CLVS1: variants seen among roughly 807,000 people sequenced by gnomAD.
The protein encoded by CLVS1 is clavesin-1.
CLVS1 carries 10 observed loss-of-function variants against 33.1 expected under a neutral mutation model. The ratio of observed to expected loss-of-function variants is 0.30; its 90% confidence interval spans 0.19 to 0.51. The LOEUF is 0.51. CLVS1 is among the 20% of genes least tolerant of loss of function. The pLI, the probability that CLVS1 is intolerant of heterozygous loss-of-function variation, is 0.97. For synonymous variants in CLVS1, 163 were observed against 166.1 expected (o/e 0.98, Z 0.14); for missense variants, 343 against 433.4 (o/e 0.79, Z 1.85).
intron 2 of CLVS1, among the ~76,000 whole-genome samples, chr8:61,324,489 A>C (rs918734864): frequency 6.6e-6 from 1 of 152,144 alleles, no homozygotes; most frequent in Non-Finnish European, 1.5e-5. Context: ...TATCAGCAGC[A>C]TGAAAATGAA....
At chr8:61,237,535 A>G (rs1196367807) in intron 2 of CLVS1, among the ~76,000 whole-genome samples, 1 of 152,230 alleles carries the variant, frequency 6.6e-6, no homozygotes, top group Non-Finnish European at 1.5e-5. Context: ...GGGACCTCAG[A>G]GGTTGTTTCT....
intron 2 of CLVS1, among the ~76,000 whole-genome samples, chr8:61,252,112 T>A (rs1169207656): frequency 6.6e-6 from 1 of 152,210 alleles, no homozygotes; most frequent in Non-Finnish European, 1.5e-5. Context: ...TTCTGGTACA[T>A]TGTGTCTTCA....
At chr8:61,356,728 T>A (rs540277439) in intron 2 of CLVS1, among the ~76,000 whole-genome samples, 50 of 152,334 alleles carry the variant, frequency 3.3e-4, no homozygotes, top group African/African-American at 1.2e-3. Flanking sequence ...TAGTTGTAGA[T>A]GTGCGGCATT....
intron 1 of CLVS1, among the ~76,000 whole-genome samples, chr8:61,102,739 C>A (rs1190244210): frequency 6.6e-6 from 1 of 151,440 alleles, no homozygotes; most frequent in South Asian, 2.1e-4. Flanking sequence ...TACTGCCAGG[C>A]CATAAGGGGC....
intron 1 of CLVS1, among the ~76,000 whole-genome samples, chr8:61,063,260 C>CGAGA (rs555022524): frequency 0.052 from 4,247 of 81,788 alleles, 274 homozygotes; most frequent in East Asian, 0.086. Flanking sequence ...AGTGAGGAAG[C>CGAGA]GAGAGAGAGA....
chr8:61,320,803 T>C (rs1195961118), intron 2 of CLVS1, among the ~76,000 whole-genome samples: 3 of 152,260 alleles, frequency 2.0e-5, no homozygotes, highest in African/African-American at 7.2e-5. Flanking sequence ...TTCCATCACC[T>C]TGGGGGTTAG....
intron 5 of CLVS1, among the ~76,000 whole-genome samples, chr8:61,487,714 T>C (rs73259365): frequency 0.018 from 2,799 of 152,324 alleles, 80 homozygotes; most frequent in African/African-American, 0.063. Flanking sequence ...GATACAGATA[T>C]ACAAGAAGAA....
chr8:61,499,375 A>T, intron 5 of CLVS1, 80 bp from the exon 6 acceptor site: 1 of 969,740 alleles, frequency 1.0e-6, no homozygotes, highest in Non-Finnish European at 1.7e-6. Context: ...AGAAATATAA[A>T]ATCCGGATGT....
chr8:61,236,612 C>G (rs1049856446), intron 2 of CLVS1, among the ~76,000 whole-genome samples: 1 of 152,116 alleles, frequency 6.6e-6, no homozygotes, highest in East Asian at 1.9e-4. Context: ...CAGCCTTTTT[C>G]TTTTTGTGAA....
At chr8:61,372,278 A>G (rs1813473745) in intron 2 of CLVS1, among the ~76,000 whole-genome samples, 1 of 152,142 alleles carries the variant, frequency 6.6e-6, no homozygotes, top group African/African-American at 2.4e-5. Context: ...TTCTCTTCTC[A>G]TTTCTGCAAT....
chr8:61,217,652 G>A (rs1198616854), intron 2 of CLVS1, among the ~76,000 whole-genome samples: 1 of 152,092 alleles, frequency 6.6e-6, no homozygotes, highest in East Asian at 1.9e-4. Flanking sequence ...AGTAGTCAAA[G>A]TAGTTGATTA....
intron 2 of CLVS1, among the ~76,000 whole-genome samples, chr8:61,181,849 G>A (rs934473419): frequency 2.6e-5 from 4 of 151,890 alleles, no homozygotes; most frequent in African/African-American, 7.3e-5. Flanking sequence ...ACAGGTGCCC[G>A]CCACTGTGCC....
chr8:61,038,254 C>T, the CLVS1 span, among the ~76,000 whole-genome samples: 4 of 152,118 alleles, frequency 2.6e-5, no homozygotes, highest in East Asian at 1.9e-4. Context: ...CTTCTGCTTC[C>T]GTGGCTCCCA....
intron 2 of CLVS1, among the ~76,000 whole-genome samples, chr8:61,189,374 C>T (rs908624498): frequency 1.3e-5 from 2 of 152,112 alleles, no homozygotes; most frequent in Non-Finnish European, 2.9e-5. Flanking sequence ...CTGAAGGAAG[C>T]ACTAAACATG....
At chr8:61,243,800 G>A (rs191956564) in intron 2 of CLVS1, among the ~76,000 whole-genome samples, 1 of 152,212 alleles carries the variant, frequency 6.6e-6, no homozygotes, top group Admixed American at 6.5e-5. Context: ...TATGTCTACT[G>A]TATGGTTTAT....
intron 3 of CLVS1, among the ~76,000 whole-genome samples, chr8:61,388,893 C>T (rs1814190067): frequency 6.6e-6 from 1 of 151,984 alleles, no homozygotes; most frequent in African/African-American, 2.4e-5. Context: ...AAATTTTGTA[C>T]CCTTGAACAA....
At chr8:61,030,037 T>C in the CLVS1 span, among the ~76,000 whole-genome samples, 3 of 152,172 alleles carry the variant, frequency 2.0e-5, no homozygotes, top group Non-Finnish European at 4.4e-5. Flanking sequence ...TCCGTGAAGC[T>C]CTGGCCCAGC....
chr8:61,331,352 A>C (rs561746570), intron 2 of CLVS1, among the ~76,000 whole-genome samples: 1 of 151,924 alleles, frequency 6.6e-6, no homozygotes, highest in South Asian at 2.1e-4. Context: ...TTATTTACTC[A>C]GTTGAGCACT....
intron 3 of CLVS1, among the ~76,000 whole-genome samples, chr8:61,394,242 G>T (rs1814427820): frequency 6.6e-6 from 1 of 152,198 alleles, no homozygotes; most frequent in Non-Finnish European, 1.5e-5. Flanking sequence ...CAGCAGGATT[G>T]TTCTGTTATC....
Sources: gnomAD v4.1 joint callset for allele counts (sites outside exome capture counted in the v4.1 genomes callset) on GRCh38, gnomAD v4.1.1 for gene constraint, MANE v1.5 for transcripts, NCBI Gene and HGNC (gene_info 2026-07-23, HGNC 2026-07-21) for gene names.